Variants in RASEF observed in about 807,000 individuals in gnomAD.
RASEF encodes the protein ras and EF-hand domain-containing protein.
In RASEF, 68 loss-of-function variants were observed where a neutral mutation model predicts 90.1. That is an observed-to-expected ratio of 0.75 (90% CI 0.62 to 0.92). The LOEUF is 0.92. RASEF is among the 40% of genes least tolerant of loss of function. The pLI is 0.00. For synonymous variants in RASEF, 331 were observed against 345.2 expected (o/e 0.96, Z 0.46); for missense variants, 949 against 937.2 (o/e 1.01, Z -0.16).
the RASEF span, among the ~76,000 whole-genome samples, chr9:83,117,969 A>C: frequency 1.3e-5 from 2 of 152,204 alleles, no homozygotes; most frequent in Non-Finnish European, 2.9e-5. Flanking sequence ...TGGAAGGTCT[A>C]ACTTCTGTAA....
chr9:83,175,891 A>G, the RASEF span, among the ~76,000 whole-genome samples: 4 of 152,146 alleles, frequency 2.6e-5, no homozygotes, highest in Non-Finnish European at 5.9e-5. Context: ...TTTCAAATGT[A>G]CTGAAGCTTG....
At chr9:83,179,472 C>T in the RASEF span, among the ~76,000 whole-genome samples, 3 of 152,170 alleles carry the variant, frequency 2.0e-5, no homozygotes, top group South Asian at 2.1e-4. Context: ...GAATGAGTAT[C>T]GTCATTTATT....
intron 1 of RASEF, among the ~76,000 whole-genome samples, chr9:83,035,740 T>C (rs1829729631): frequency 6.6e-6 from 1 of 151,328 alleles, no homozygotes; most frequent in African/African-American, 2.5e-5. Context: ...TATTTCTACT[T>C]TGGCAAAAAA....
the RASEF span, among the ~76,000 whole-genome samples, chr9:83,129,872 G>T: frequency 6.6e-6 from 1 of 152,186 alleles, no homozygotes. Context: ...TGACTTAAAA[G>T]AAATATGCAA....
chr9:83,022,565 T>C, intron 2 of RASEF, 139 bp from the exon 3 acceptor site: 1 of 646,654 alleles, frequency 1.5e-6, no homozygotes, highest in East Asian at 2.6e-5. Flanking sequence ...TTCCCATTCC[T>C]TCTACATAAT....
In RASEF at chr9:82,997,113, C is replaced by A. The variant is rs1828936347; in HGVS notation, c.1819G>T (p.Ala607Ser). The change falls in exon 14 of 17, where the codon GCC (alanine) becomes TCC (serine). Residue 607 changes from alanine (A) to serine (S), a missense_variant. Physicochemically the swap from Ala to Ser is moderately conservative, Grantham distance 99. Transcript: ENST00000376447. ...TCTGCCTTTCTGAAGTAAGACTTGG[C>A]AATACTTCTGAATCTGAGAAAGAGA... ...TAGQERFRSI[A>S]KSYFRKADGV... The A allele has an allele frequency of 1.2e-6, 2 of 1,605,694 alleles. No homozygotes were observed. Among genetic ancestry groups the A allele is most frequent in the Non-Finnish European group, 1.7e-6 (2 of 1,172,550 alleles).
chr9:83,009,628 G>GCAAAT lies in RASEF; in HGVS notation c.959+12_959+13insATTTG, dbSNP rs1416314157. Reference sequence around the variant, plus strand: ...TTCTACTCAAACTAACAAATAAAATGCAAAGTTCATACCTTTCAGTATTCA... The same window carrying GCAAAT: ...TTCTACTCAAACTAACAAATAAAATGCAAATCAAAGTTCATACCTTTCAGTATTCA... On this transcript the variant is annotated intron_variant, in intron 6 of 16. Coordinates refer to ENST00000376447, the MANE Select transcript of RASEF (RefSeq NM_152573.4). 1 of 1,477,508 alleles carries GCAAAT rather than the reference G, an allele frequency of 6.8e-7. No individual in the cohort carries two copies. Among genetic ancestry groups the GCAAAT allele is most frequent in the East Asian group, 2.3e-5 (1 of 44,150 alleles). The allele number at this position is 1,477,508 out of a possible 1,614,324, so 91.5% of individuals were successfully genotyped here. A position where few individuals can be genotyped will look rare whatever the true frequency, so the allele number is the denominator to read the frequency against.
At chr9:83,172,518 C>T in the RASEF span, among the ~76,000 whole-genome samples, 1 of 151,076 alleles carries the variant, frequency 6.6e-6, no homozygotes, top group South Asian at 2.1e-4. Context: ...TTTTCTTTTT[C>T]TTTCAGTATA....
chr9:83,159,757 A>C, the RASEF span, among the ~76,000 whole-genome samples: 3 of 152,336 alleles, frequency 2.0e-5, no homozygotes, highest in South Asian at 6.2e-4. Context: ...TATTTGCTGA[A>C]TGGCACTGAT....
intron 1 of RASEF, among the ~76,000 whole-genome samples, chr9:83,043,159 T>G (rs1829869525): frequency 6.6e-6 from 1 of 152,236 alleles, no homozygotes; most frequent in South Asian, 2.1e-4. Context: ...GTACTATGTG[T>G]GACATCCATG....
the RASEF span, among the ~76,000 whole-genome samples, chr9:83,209,885 G>T: frequency 6.6e-6 from 1 of 152,142 alleles, no homozygotes; most frequent in African/African-American, 2.4e-5. Context: ...GGCTGCATTT[G>T]ACTCTATGCC....
At chr9:83,023,994 G>A (rs74754515) in intron 2 of RASEF, among the ~76,000 whole-genome samples, 4,508 of 152,236 alleles carry the variant, frequency 0.03, 205 homozygotes, top group African/African-American at 0.1. Flanking sequence ...GACCTAGTCC[G>A]GGGCTCCCTC....
chr9:83,062,436 C>T lies in RASEF; in HGVS notation c.431+1G>A. 1 of 1,612,864 alleles carries T rather than the reference C, an allele frequency of 6.2e-7. No homozygotes were observed. The highest frequency in any genetic ancestry group is 8.5e-7 in the Non-Finnish European group (1 of 1,179,550). ...CTCCCGCCCCCAGCTCACACTCGCA[C>T]CTGGGAATGAACTTGGCTTCGTCCC... On this transcript the variant is annotated splice_donor_variant, in intron 1 of 16. Transcript: ENST00000376447. LOFTEE classifies it high-confidence loss of function.
the RASEF span, among the ~76,000 whole-genome samples, chr9:83,133,509 T>C: frequency 7.0e-6 from 1 of 142,762 alleles, no homozygotes. Context: ...AGTCACTATA[T>C]GAATACGTCG....
the RASEF span, among the ~76,000 whole-genome samples, chr9:83,077,178 G>A: frequency 1.3e-5 from 2 of 152,182 alleles, no homozygotes; most frequent in African/African-American, 4.8e-5. Flanking sequence ...CACAGCCAAT[G>A]TCAGGCTTCC....
chr9:83,067,747 A>G (rs1830294013), upstream of RASEF, among the ~76,000 whole-genome samples: 1 of 152,228 alleles, frequency 6.6e-6, no homozygotes, highest in Non-Finnish European at 1.5e-5. Context: ...GAAGTATTGT[A>G]TTTCAAACTT....
At chr9:83,112,953 G>A in the RASEF span, among the ~76,000 whole-genome samples, 6 of 152,056 alleles carry the variant, frequency 3.9e-5, no homozygotes, top group African/African-American at 1.4e-4. Context: ...TAATTCTGTA[G>A]ATTCTAATTT....
chr9:83,127,637 C>G, the RASEF span, among the ~76,000 whole-genome samples: 2 of 152,082 alleles, frequency 1.3e-5, no homozygotes, highest in African/African-American at 4.8e-5. Flanking sequence ...AGACTGGGAG[C>G]AAGAAAGAGA....
chr9:83,101,171 G>A, the RASEF span, among the ~76,000 whole-genome samples: 1 of 152,110 alleles, frequency 6.6e-6, no homozygotes, highest in Non-Finnish European at 1.5e-5. Flanking sequence ...CTTATATTCT[G>A]GCAATATAGA....
Sources: allele counts gnomAD v4.1 joint callset (sites outside exome capture counted in the v4.1 genomes callset), GRCh38; gene constraint gnomAD v4.1.1; transcripts MANE v1.5; gene names NCBI Gene and HGNC (gene_info 2026-07-23, HGNC 2026-07-21).